Variants in EYS observed in about 807,000 individuals in gnomAD.
The protein encoded by EYS is EGF-like photoreceptor maintenance factor.
Under a neutral mutation model 282.1 loss-of-function variants are expected in EYS, and 250 were observed. The ratio of observed to expected loss-of-function variants is 0.89; its 90% confidence interval spans 0.80 to 0.98. The LOEUF is 0.98. EYS is among the 50% of genes least tolerant of loss of function. EYS has a pLI of 0.00. For missense variants in EYS, 4,016 were observed against 3,709.0 expected, an observed-to-expected ratio of 1.08 and a Z score of -2.15; for synonymous variants, 1,355 against 1,282.9, an observed-to-expected ratio of 1.06 and a Z score of -1.20.
chr6:64,835,602 G>A (rs1412050058), intron 19 of EYS, among the ~76,000 whole-genome samples: 1 of 151,594 alleles, frequency 6.6e-6, no homozygotes, highest in Non-Finnish European at 1.5e-5. Context: ...ACCAGACTTA[G>A]GTACCAGTTG....
Position 64,327,325 on chromosome 6 carries a change from C to T in EYS, c.6079-20243G>A, listed in dbSNP as rs148698323. Among the ~76,000 whole-genome samples the T allele has an allele frequency of 2.0e-5, 3 of 152,156 alleles. No homozygotes were observed. The East Asian group carries it at 5.8e-4, about 30-fold the overall frequency. The stretch of plus-strand genomic sequence containing the variant: ...AAGAGTGAAAGTGAGAGTGAAAGCA[C>T]CTCGCAAGGGAGGAAATGGGAGGAA... On this transcript the variant is annotated intron_variant, in intron 29 of 42. Coordinates refer to ENST00000503581, the MANE Select transcript of EYS (RefSeq NM_001142800.2).
intron 2 of EYS, among the ~76,000 whole-genome samples, chr6:65,625,667 G>A (rs1295009550): frequency 2.0e-5 from 3 of 152,038 alleles, no homozygotes; most frequent in South Asian, 2.1e-4. Context: ...GAAATTTAAC[G>A]AGTTTGAGTT....
chr6:63,971,973 C>G (rs1766598246), intron 35 of EYS, among the ~76,000 whole-genome samples: 1 of 152,194 alleles, frequency 6.6e-6, no homozygotes, highest in Non-Finnish European at 1.5e-5. Context: ...GCTGTACAGT[C>G]TTCCACTATA....
intron 2 of EYS, among the ~76,000 whole-genome samples, chr6:65,610,281 C>T (rs4296879): frequency 6.6e-6 from 1 of 151,470 alleles, no homozygotes; most frequent in African/African-American, 2.4e-5. Context: ...TTTTTTCCCC[C>T]TTTTTTAACT....
At chr6:64,426,077 C>T (rs906548481) in intron 28 of EYS, among the ~76,000 whole-genome samples, 1 of 151,538 alleles carries the variant, frequency 6.6e-6, no homozygotes, top group South Asian at 2.1e-4. Context: ...AATTGGTCAC[C>T]GAGATAGGAG....
intron 8 of EYS, among the ~76,000 whole-genome samples, chr6:65,370,452 A>G (rs947274113): frequency 2.0e-5 from 3 of 150,800 alleles, no homozygotes; most frequent in Admixed American, 1.4e-4. Context: ...ATTGCATCTC[A>G]TGATGTATTC....
Position 65,538,467 on chromosome 6 carries a change from G to T in EYS, c.-332-42474C>A, listed in dbSNP as rs559026366. Among the ~76,000 whole-genome samples, 12 of 152,164 alleles carry T rather than the reference G, an allele frequency of 7.9e-5. 1 individual carries two copies. The highest frequency in any genetic ancestry group is 2.9e-4 in the African/African-American group (12 of 41,524). On this transcript the variant is annotated intron_variant, in intron 2 of 42. Transcript: ENST00000503581. ...TTTGTACCAGATCCTGTTGTTAAGT[G>T]CTTCACAAATATTACCTCATTTAAC...
At chr6:64,036,417 T>C (rs1562166632) in intron 33 of EYS, among the ~76,000 whole-genome samples, 1 of 152,192 alleles carries the variant, frequency 6.6e-6, no homozygotes, top group Non-Finnish European at 1.5e-5. Flanking sequence ...AGATTTGTAA[T>C]GTAATGACAT....
At chr6:64,746,247 T>C (rs1404096665) in intron 22 of EYS, among the ~76,000 whole-genome samples, 1 of 151,876 alleles carries the variant, frequency 6.6e-6, no homozygotes, top group African/African-American at 2.4e-5. Context: ...GCCATAAGGG[T>C]TCCATCCTCA....
Position 63,984,564 on chromosome 6 carries a change from T to G in EYS, c.6874A>C (p.Asn2292His), listed in dbSNP as rs906094515. The G allele has an allele frequency of 5.3e-5, 82 of 1,549,438 alleles. No individual in the cohort carries two copies. In the Middle Eastern group the frequency reaches 6.7e-4, roughly 13 times the overall value. Residue 2292 changes from asparagine (N) to histidine (H), a missense_variant, in exon 35 of 43, where the codon AAT becomes CAT. By Grantham distance (68) the Asn-to-His change is moderately conservative. Transcript: ENST00000503581. The stretch of plus-strand genomic sequence containing the variant: ...CCTGCTTTCTTATGAATTTGAACAT[T>G]TGCAGGAATATGGCCAAGGAACATT... ...ESMFLGHIPA[N>H]VQIHKKAGPV... is the part of the protein sequence containing the mutation.
intron 30 of EYS, among the ~76,000 whole-genome samples, chr6:64,233,208 A>G (rs1387381080): frequency 6.6e-6 from 1 of 152,186 alleles, no homozygotes; most frequent in African/African-American, 2.4e-5. Context: ...ATTGCTATCA[A>G]TTGATCCGAA....
At chr6:64,490,361 T>C (rs1026872129) in intron 26 of EYS, among the ~76,000 whole-genome samples, 1 of 150,990 alleles carries the variant, frequency 6.6e-6, no homozygotes, top group Non-Finnish European at 1.5e-5. Context: ...ATAAAATATG[T>C]CATGGTAGTT....
At chr6:65,393,283 T>G (rs761555324) in intron 7 of EYS, among the ~76,000 whole-genome samples, 2 of 152,182 alleles carry the variant, frequency 1.3e-5, no homozygotes, top group Non-Finnish European at 2.9e-5. Flanking sequence ...GTAACTAACC[T>G]GTACATTGTG....
chr6:64,582,288 T>C (rs1464510129), intron 26 of EYS, among the ~76,000 whole-genome samples: 2 of 152,162 alleles, frequency 1.3e-5, no homozygotes, highest in Admixed American at 6.6e-5. Context: ...TAGATTCTCA[T>C]TGGAGGTGAA....
chr6:64,359,558 C>CA (rs1771937217), intron 29 of EYS, among the ~76,000 whole-genome samples: 1 of 151,686 alleles, frequency 6.6e-6, no homozygotes, highest in Non-Finnish European at 1.5e-5. Context: ...GCATCTGTAA[C>CA]AAAGGGCCAT....
At chr6:65,079,158 G>C (rs1774147936) in intron 12 of EYS, among the ~76,000 whole-genome samples, 1 of 152,026 alleles carries the variant, frequency 6.6e-6, no homozygotes, top group Non-Finnish European at 1.5e-5. Context: ...AGCTGACAGA[G>C]TATTGTGCAT....
rs115040015 is a variant in EYS at position 64,165,785 on chromosome 6, G to A, written c.6424+64807C>T. 8.8e-3 allele frequency among the ~76,000 whole-genome samples: 1,334 copies of A among 152,202 alleles called. 8 individuals are homozygous for A. Among genetic ancestry groups the A allele is most frequent in the Non-Finnish European group, 0.013 (853 of 67,978 alleles). ...AAGGCTTTTTCAGGACCTCAATTAC[G>A]TTAGGTATTTGAGTGCTTATCCAAT... is the stretch of plus-strand genomic sequence containing the variant. On this transcript the variant is annotated intron_variant, in intron 31 of 42. Coordinates refer to ENST00000503581, the MANE Select transcript of EYS (RefSeq NM_001142800.2).
At chr6:64,317,131 A>G (rs1450529911) in intron 29 of EYS, among the ~76,000 whole-genome samples, 1 of 152,148 alleles carries the variant, frequency 6.6e-6, no homozygotes, top group African/African-American at 2.4e-5. Flanking sequence ...TCTAGGCAAT[A>G]CCATTCAGGA....
At chr6:64,680,878 A>G (rs1769872921) in intron 22 of EYS, among the ~76,000 whole-genome samples, 1 of 152,188 alleles carries the variant, frequency 6.6e-6, no homozygotes, top group Non-Finnish European at 1.5e-5. Context: ...CCTCTCCAAG[A>G]AACTAATTTT....
Sources: gnomAD v4.1 joint callset for allele counts (sites outside exome capture counted in the v4.1 genomes callset) on GRCh38, gnomAD v4.1.1 for gene constraint, MANE v1.5 for transcripts, NCBI Gene and HGNC (gene_info 2026-07-23, HGNC 2026-07-21) for gene names.